HDAC9: variants seen among roughly 807,000 people sequenced by gnomAD.
HDAC9 encodes the protein histone deacetylase 9.
In HDAC9, 41 loss-of-function variants were observed where a neutral mutation model predicts 139.4. That is an observed-to-expected ratio of 0.29 (90% CI 0.23 to 0.38). The LOEUF (loss-of-function observed/expected upper bound fraction) is 0.38, where lower values mean the gene tolerates loss of function less well. HDAC9 is among the 10% of genes least tolerant of loss of function. The probability of loss-of-function intolerance (pLI) is 1.00; values close to 1 mark genes in which losing one functional copy is unlikely to be tolerated. For missense variants in HDAC9, 1,147 were observed against 1,297.0 expected (o/e 0.88, Z 1.78); for synonymous variants, 517 against 476.2 (o/e 1.09, Z -1.12).
intron 2 of HDAC9, among the ~76,000 whole-genome samples, chr7:18,575,084 C>T (rs866023007): frequency 2.0e-4 from 31 of 152,344 alleles, no homozygotes; most frequent in Middle Eastern, 6.8e-3. Flanking sequence ...CAGCCACTGC[C>T]ATCACATGTT....
chr7:18,585,191 T>G, intron 2 of HDAC9, 90 bp from the exon 3 acceptor site: 1 of 1,443,834 alleles, frequency 6.9e-7, no homozygotes, highest in South Asian at 1.3e-5. Context: ...CAGGGTCTTA[T>G]ACTTTTTATT....
chr7:18,664,973 C>T (rs1794399392), intron 11 of HDAC9, among the ~76,000 whole-genome samples: 1 of 152,104 alleles, frequency 6.6e-6, no homozygotes. Flanking sequence ...CCTAATAAAT[C>T]TACCTACAGT....
At chr7:18,373,923 A>G (rs76759992) in intron 1 of HDAC9, among the ~76,000 whole-genome samples, 1 of 152,086 alleles carries the variant, frequency 6.6e-6, no homozygotes, top group Non-Finnish European at 1.5e-5. Context: ...CTCTATAATT[A>G]GATATTTAAT....
intron 1 of HDAC9, among the ~76,000 whole-genome samples, chr7:18,300,948 C>T (rs1043089237): frequency 2.0e-5 from 3 of 152,046 alleles, no homozygotes; most frequent in African/African-American, 4.8e-5. Context: ...CACACTATTC[C>T]TCATGAATCA....
chr7:18,991,789 A>G (rs1374064207), intron 25 of HDAC9, among the ~76,000 whole-genome samples: 1 of 152,260 alleles, frequency 6.6e-6, no homozygotes, highest in African/African-American at 2.4e-5. Flanking sequence ...GTTATCAAAT[A>G]AATGCAAATT....
intron 22 of HDAC9, among the ~76,000 whole-genome samples, chr7:18,915,551 A>G (rs111622548): frequency 6.6e-5 from 10 of 152,088 alleles, no homozygotes; most frequent in African/African-American, 2.2e-4. Flanking sequence ...GAAGCATTGA[A>G]CAAATGAAAG....
chr7:18,338,625 A>G lies in HDAC9; in HGVS notation c.-42+48110A>G, dbSNP rs1378663285. Among the ~76,000 whole-genome samples the G allele has an allele frequency of 2.6e-5, 4 of 151,570 alleles. No homozygotes were observed. The South Asian group carries it at 8.3e-4, about 31-fold the overall frequency. ...TTATTGATTTTCAGATGATAAATCAATCTTGCATTATTGGGATAAATCCTA... is the reference window on the plus strand; with the variant it reads ...TTATTGATTTTCAGATGATAAATCAGTCTTGCATTATTGGGATAAATCCTA... On this transcript the variant is annotated intron_variant, in intron 1 of 3. Transcript: ENST00000413509.
chr7:18,687,523 A>G (rs1197020793), intron 12 of HDAC9, among the ~76,000 whole-genome samples: 1 of 151,894 alleles, frequency 6.6e-6, no homozygotes, highest in Admixed American at 6.6e-5. Flanking sequence ...AAAGTCCTTC[A>G]GTGAATTTTG....
intron 23 of HDAC9, among the ~76,000 whole-genome samples, chr7:18,941,726 A>G (rs934746892): frequency 1.3e-5 from 2 of 152,130 alleles, no homozygotes; most frequent in African/African-American, 4.8e-5. Context: ...AAGGCTCTCC[A>G]TACTCTGAAA....
intron 1 of HDAC9, among the ~76,000 whole-genome samples, chr7:18,143,646 C>T (rs923858817): frequency 6.6e-6 from 1 of 151,864 alleles, no homozygotes; most frequent in Non-Finnish European, 1.5e-5. Flanking sequence ...ATTAGCTAGG[C>T]GTGGTGGCGG....
At chr7:18,832,455 T>A (rs1469419187) in intron 19 of HDAC9, among the ~76,000 whole-genome samples, 1 of 152,242 alleles carries the variant, frequency 6.6e-6, no homozygotes, top group South Asian at 2.1e-4. Flanking sequence ...TAAATCCTTG[T>A]ACAGCATCAA....
intron 6 of HDAC9, among the ~76,000 whole-genome samples, chr7:18,615,746 A>G (rs1051938420): frequency 2.6e-5 from 4 of 152,226 alleles, no homozygotes; most frequent in Non-Finnish European, 4.4e-5. Context: ...AATCTGATCT[A>G]GTCAGAACCA....
chr7:18,534,518 G>C (rs1325702650), intron 2 of HDAC9, among the ~76,000 whole-genome samples: 1 of 152,178 alleles, frequency 6.6e-6, no homozygotes, highest in Admixed American at 6.5e-5. Context: ...CTGCACTTCA[G>C]CTTGGGTAAC....
In HDAC9 at chr7:18,092,924, G is replaced by A. The variant is rs369233801; in HGVS notation, c.-97+5711G>A. Among the ~76,000 whole-genome samples the A allele has an allele frequency of 1.7e-4, 26 of 152,232 alleles. No homozygotes were observed. The East Asian group carries it at 3.3e-3, about 19-fold the overall frequency. ...TAATTAGTCCCTAAATATATTCCAC[G>A]CATGAAAGACTTTTAAGGGACTGAT... On this transcript the variant is annotated intron_variant, in intron 1 of 12. Transcript: ENST00000417496.
In HDAC9 at chr7:18,647,993, T is replaced by A; in HGVS notation, c.1244T>A (p.Val415Glu). The A allele has an allele frequency of 6.2e-7, 1 of 1,604,224 alleles. No homozygotes were observed. ...KEQMRQQKLL[V>E]AGGVPLHPQS... is the part of the protein sequence containing the mutation. ...CAAATGCGACAGCAAAAGCTTCTTG[T>A]AGCTGGTAATTCATTATGGCACCAT... The change falls in exon 10 of 26, where the codon GTA becomes GAA. Residue 415 changes from valine to glutamate, a missense_variant. Coordinates refer to ENST00000686413, the MANE Select transcript of HDAC9 (RefSeq NM_178425.4).
At chr7:18,543,962 A>T (rs1352599572) in intron 2 of HDAC9, among the ~76,000 whole-genome samples, 1 of 152,112 alleles carries the variant, frequency 6.6e-6, no homozygotes, top group Non-Finnish European at 1.5e-5. Context: ...GACCAGGAAG[A>T]CACCAAGATG....
At chr7:18,486,749 T>C (rs1252986954) in intron 1 of HDAC9, among the ~76,000 whole-genome samples, 1 of 152,100 alleles carries the variant, frequency 6.6e-6, no homozygotes, top group African/African-American at 2.4e-5. Flanking sequence ...ATATTGATAA[T>C]ATGAAACATG....
At chr7:18,298,973 C>A (rs1798340733) in intron 1 of HDAC9, among the ~76,000 whole-genome samples, 1 of 152,014 alleles carries the variant, frequency 6.6e-6, no homozygotes, top group African/African-American at 2.4e-5. Flanking sequence ...CTGTTAGATT[C>A]AAAATGATGA....
At chr7:18,299,457 A>G (rs1408687413) in intron 1 of HDAC9, among the ~76,000 whole-genome samples, 1 of 152,148 alleles carries the variant, frequency 6.6e-6, no homozygotes, top group Non-Finnish European at 1.5e-5. Flanking sequence ...TCTGTGTTTA[A>G]TGATACCACA....
Sources: allele counts gnomAD v4.1 joint callset (sites outside exome capture counted in the v4.1 genomes callset), GRCh38; gene constraint gnomAD v4.1.1; transcripts MANE v1.5; gene names NCBI Gene and HGNC (gene_info 2026-07-23, HGNC 2026-07-21).